CNTNAP5: variants seen among roughly 807,000 people sequenced by gnomAD.
The protein encoded by CNTNAP5 is contactin associated protein family member 5, also known as contactin-associated protein-like 5.
In CNTNAP5, 72 loss-of-function variants were observed where a neutral mutation model predicts 150.2. That is an observed-to-expected ratio of 0.48 (90% CI 0.40 to 0.58). The LOEUF (loss-of-function observed/expected upper bound fraction) is 0.58. Among genes scored for constraint, CNTNAP5 ranks in the 20% least tolerant of loss-of-function variants. The probability of loss-of-function intolerance (pLI) is 0.00; values close to 1 mark genes in which losing one functional copy is unlikely to be tolerated. For missense variants in CNTNAP5, 1,636 were observed against 1,626.2 expected (o/e 1.01, Z -0.10); for synonymous variants, 672 against 619.8 (o/e 1.08, Z -1.25).
At position 124,188,899 on chromosome 2, in the gene CNTNAP5, A is replaced by G. The variant is rs555945490; in HGVS notation, c.83-32806A>G. 1.8e-4 allele frequency among the ~76,000 whole-genome samples: 27 copies of G among 152,226 alleles called. No individual in the cohort carries two copies. In the East Asian group the frequency reaches 4.6e-3, roughly 26 times the overall value. On this transcript the variant is annotated intron_variant, in intron 1 of 23. Coordinates refer to ENST00000682447, the MANE Select transcript of CNTNAP5 (RefSeq NM_001367498.1). ...GCCATCATGAAAAATTGGATTAATC[A>G]TAACCTAAAGGGTTTCACATCTGGG...
intron 13 of CNTNAP5, among the ~76,000 whole-genome samples, chr2:124,653,901 A>C (rs955072511): frequency 0.013 from 775 of 60,262 alleles, 1 homozygote; most frequent in African/African-American, 0.016. Flanking sequence ...ACATGCCCCC[A>C]CTGCCCCCAA....
intron 19 of CNTNAP5, among the ~76,000 whole-genome samples, chr2:124,850,786 A>G (rs1158083915): frequency 6.6e-6 from 1 of 152,188 alleles, no homozygotes; most frequent in African/African-American, 2.4e-5. Context: ...AGGAGAGAAA[A>G]ATATTAGGAA....
chr2:124,358,557 A>T (rs1009499349), intron 3 of CNTNAP5, among the ~76,000 whole-genome samples: 1 of 152,278 alleles, frequency 6.6e-6, no homozygotes, highest in African/African-American at 2.4e-5. Context: ...ATCTATTGAG[A>T]TAATCATGTG....
intron 3 of CNTNAP5, among the ~76,000 whole-genome samples, chr2:124,315,826 T>G (rs753762839): frequency 6.6e-6 from 1 of 152,136 alleles, no homozygotes; most frequent in Admixed American, 6.5e-5. Flanking sequence ...AATTTAGGTA[T>G]ATAGTCTCTT....
At chr2:124,291,782 G>A (rs1371837741) in intron 3 of CNTNAP5, among the ~76,000 whole-genome samples, 1 of 151,992 alleles carries the variant, frequency 6.6e-6, no homozygotes, top group African/African-American at 2.4e-5. Context: ...AATTAATTGG[G>A]TAACATATTC....
chr2:124,302,149 C>T (rs570653124), intron 3 of CNTNAP5, among the ~76,000 whole-genome samples: 1 of 152,168 alleles, frequency 6.6e-6, no homozygotes, highest in Non-Finnish European at 1.5e-5. Flanking sequence ...CTGAGATTTC[C>T]AGTCTCCAGA....
intron 10 of CNTNAP5, among the ~76,000 whole-genome samples, chr2:124,532,133 A>G (rs1573440772): frequency 6.6e-6 from 1 of 152,324 alleles, no homozygotes; most frequent in South Asian, 2.1e-4. Flanking sequence ...AGGTGAGTAC[A>G]CAGCTCAAAG....
intron 19 of CNTNAP5, among the ~76,000 whole-genome samples, chr2:124,800,860 G>T (rs549972109): frequency 6.6e-6 from 1 of 152,170 alleles, no homozygotes; most frequent in South Asian, 2.1e-4. Context: ...CCAAATATGA[G>T]TGACCATGGC....
At chr2:124,258,246 T>A (rs1687363833) in intron 3 of CNTNAP5, among the ~76,000 whole-genome samples, 1 of 152,038 alleles carries the variant, frequency 6.6e-6, no homozygotes. Flanking sequence ...AGTACCTCAT[T>A]AATTTGTTCC....
intron 21 of CNTNAP5, among the ~76,000 whole-genome samples, chr2:124,885,250 A>G (rs995733410): frequency 2.7e-4 from 41 of 151,972 alleles, no homozygotes; most frequent in Non-Finnish European, 1.5e-5. Context: ...TGATTGAATG[A>G]GACCCACACA....
intron 13 of CNTNAP5, among the ~76,000 whole-genome samples, chr2:124,655,991 G>GAAAGAAAGAA (rs1678444661): frequency 7.9e-6 from 1 of 127,262 alleles, no homozygotes; most frequent in African/African-American, 2.9e-5. Context: ...AAGAAAGAAA[G>GAAAGAAAGAA]AAAGAAAAAA....
chr2:124,424,483 C>T (rs1177811306), intron 4 of CNTNAP5, among the ~76,000 whole-genome samples: 1 of 152,208 alleles, frequency 6.6e-6, no homozygotes, highest in Non-Finnish European at 1.5e-5. Context: ...ATGCCAGATT[C>T]ATTGCAGTCC....
intron 12 of CNTNAP5, among the ~76,000 whole-genome samples, chr2:124,630,332 C>T (rs948660811): frequency 2.6e-5 from 4 of 152,198 alleles, no homozygotes; most frequent in African/African-American, 7.2e-5. Flanking sequence ...CAACAAAATA[C>T]TGGCAAACCA....
chr2:124,415,700 G>T (rs558891356), intron 3 of CNTNAP5, among the ~76,000 whole-genome samples: 156 of 152,282 alleles, frequency 1.0e-3, no homozygotes, highest in African/African-American at 3.7e-3. Flanking sequence ...TATGCTAGCT[G>T]ACATCCCATC....
intron 13 of CNTNAP5, among the ~76,000 whole-genome samples, chr2:124,724,604 C>T (rs1439689591): frequency 5.3e-5 from 8 of 152,068 alleles, no homozygotes; most frequent in Non-Finnish European, 7.4e-5. Flanking sequence ...GTCCAGCTTT[C>T]TCCCTCTCTC....
chr2:124,181,533 C>G (rs562166221), intron 1 of CNTNAP5, among the ~76,000 whole-genome samples: 1 of 151,940 alleles, frequency 6.6e-6, no homozygotes, highest in African/African-American at 2.4e-5. Flanking sequence ...TATTCTATAT[C>G]TAATGAAACT....
chr2:124,098,321 C>G (rs55720566), intron 1 of CNTNAP5, among the ~76,000 whole-genome samples: 38,240 of 151,868 alleles, frequency 0.25, 4,819 homozygotes, highest in South Asian at 0.3. Flanking sequence ...GCTGAGTAGG[C>G]TTAGAAGGAA....
intron 1 of CNTNAP5, among the ~76,000 whole-genome samples, chr2:124,199,243 T>A (rs1470495309): frequency 6.6e-6 from 1 of 152,074 alleles, no homozygotes; most frequent in Admixed American, 6.5e-5. Flanking sequence ...GGGTGTGGAT[T>A]GAATTTCAAT....
intron 1 of CNTNAP5, chr2:124,135,294 G>A (rs895960291): frequency 6.6e-6 from 1 of 152,212 alleles, no homozygotes; most frequent in African/African-American, 2.4e-5. Flanking sequence ...TGAGGGCCAG[G>A]CGTGTTTCCA....
Sources: gnomAD v4.1 joint callset for allele counts (sites outside exome capture counted in the v4.1 genomes callset) on GRCh38, gnomAD v4.1.1 for gene constraint, MANE v1.5 for transcripts, NCBI Gene and HGNC (gene_info 2026-07-23, HGNC 2026-07-21) for gene names.